Variants in HEMK2 observed in about 807,000 individuals in gnomAD.
The protein encoded by HEMK2 is HemK methyltransferase 2, ETF1 glutamine and histone H4 lysine, also known as methyltransferase HEMK2.
chr21:28,713,312 C>T, the HEMK2 span, among the ~76,000 whole-genome samples: 1 of 152,170 alleles, frequency 6.6e-6, no homozygotes, highest in Non-Finnish European at 1.5e-5. Context: ...AACATTCACC[C>T]TTACTCCGCC....
chr21:28,775,008 T>A, the HEMK2 span, among the ~76,000 whole-genome samples: 7,142 of 152,280 alleles, frequency 0.047, 243 homozygotes, highest in Non-Finnish European at 0.075. Flanking sequence ...AGGACTTTCC[T>A]TCAAAATGGA....
At chr21:28,740,202 A>G in the HEMK2 span, among the ~76,000 whole-genome samples, 1 of 152,230 alleles carries the variant, frequency 6.6e-6, no homozygotes, top group Non-Finnish European at 1.5e-5. Flanking sequence ...AAGCCTATCT[A>G]TATCTTAGCA....
the HEMK2 span, among the ~76,000 whole-genome samples, chr21:28,671,595 G>A: frequency 6.6e-5 from 10 of 152,188 alleles, no homozygotes; most frequent in African/African-American, 2.4e-4. Flanking sequence ...GATTACTGCA[G>A]TGTGGTAGGA....
the HEMK2 span, among the ~76,000 whole-genome samples, chr21:28,842,884 A>T: frequency 2.0e-5 from 3 of 152,104 alleles, no homozygotes; most frequent in Non-Finnish European, 4.4e-5. Context: ...TTGGAGATGG[A>T]TATGTAAAAA....
the HEMK2 span, among the ~76,000 whole-genome samples, chr21:28,708,895 C>G: frequency 1.3e-5 from 2 of 152,186 alleles, no homozygotes; most frequent in Non-Finnish European, 2.9e-5. Context: ...TAAATGAAGA[C>G]TGTCTTAGTT....
At chr21:28,623,478 T>G in the HEMK2 span, among the ~76,000 whole-genome samples, 1 of 152,204 alleles carries the variant, frequency 6.6e-6, no homozygotes, top group Admixed American at 6.5e-5. Context: ...GCAATCCCAT[T>G]ACTGGGTGTA....
chr21:28,707,821 G>C, the HEMK2 span, among the ~76,000 whole-genome samples: 1 of 151,450 alleles, frequency 6.6e-6, no homozygotes, highest in African/African-American at 2.4e-5. Flanking sequence ...AAAAACAAAG[G>C]GTATATGTAT....
the HEMK2 span, among the ~76,000 whole-genome samples, chr21:28,630,179 T>A: frequency 7.8e-6 from 1 of 127,440 alleles, no homozygotes; most frequent in African/African-American, 2.5e-5. Context: ...TCATTAACTT[T>A]CTTTTTTTTC....
At chr21:28,799,417 T>C in the HEMK2 span, among the ~76,000 whole-genome samples, 1 of 152,194 alleles carries the variant, frequency 6.6e-6, no homozygotes, top group East Asian at 1.9e-4. Flanking sequence ...TCCCACAACA[T>C]GTAGGAATTG....
At chr21:28,603,682 C>T in the HEMK2 span, among the ~76,000 whole-genome samples, 1 of 151,718 alleles carries the variant, frequency 6.6e-6, no homozygotes, top group Non-Finnish European at 1.5e-5. Context: ...TATATGACTA[C>T]AACCCCAAGA....
chr21:28,642,236 A>T, the HEMK2 span, among the ~76,000 whole-genome samples: 1 of 152,158 alleles, frequency 6.6e-6, no homozygotes, highest in Non-Finnish European at 1.5e-5. Context: ...TTCCCCCAAA[A>T]TTGAAAAGCT....
chr21:28,830,876 T>TAA, the HEMK2 span, among the ~76,000 whole-genome samples: 2 of 35,342 alleles, frequency 5.7e-5, no homozygotes, highest in Non-Finnish European at 6.1e-5. Flanking sequence ...GACTCCATCT[T>TAA]TAAAAAAAAA....
chr21:28,702,536 C>G, the HEMK2 span, among the ~76,000 whole-genome samples: 5 of 152,102 alleles, frequency 3.3e-5, no homozygotes. Flanking sequence ...GACACACACG[C>G]AGCCAACAAG....
chr21:28,656,492 A>G, the HEMK2 span, among the ~76,000 whole-genome samples: 1 of 151,926 alleles, frequency 6.6e-6, no homozygotes, highest in East Asian at 1.9e-4. Flanking sequence ...TACAGTCCTC[A>G]GCCTTAGACA....
the HEMK2 span, among the ~76,000 whole-genome samples, chr21:28,660,851 T>C: frequency 1.3e-5 from 2 of 152,104 alleles, no homozygotes; most frequent in East Asian, 3.8e-4. Context: ...CAGAACTCAA[T>C]AGTGAAGCTA....
chr21:28,816,180 C>A, the HEMK2 span, among the ~76,000 whole-genome samples: 12 of 152,164 alleles, frequency 7.9e-5, no homozygotes, highest in African/African-American at 2.9e-4. Context: ...AAATAAATTT[C>A]TGTTATTTCA....
At chr21:28,821,381 A>G in the HEMK2 span, among the ~76,000 whole-genome samples, 1 of 152,214 alleles carries the variant, frequency 6.6e-6, no homozygotes, top group Admixed American at 6.5e-5. Context: ...AAAAGTGGAG[A>G]TAATAGCAAA....
the HEMK2 span, among the ~76,000 whole-genome samples, chr21:28,659,992 T>TAA: frequency 6.6e-6 from 1 of 152,064 alleles, no homozygotes; most frequent in South Asian, 2.1e-4. Flanking sequence ...TTTTTCTCAA[T>TAA]AATGTGTTGT....
chr21:28,623,937 C>G, the HEMK2 span, among the ~76,000 whole-genome samples: 2 of 152,210 alleles, frequency 1.3e-5, no homozygotes, highest in African/African-American at 4.8e-5. Flanking sequence ...ACCTATGTAA[C>G]AAACCTGCAC....
Sources: allele counts gnomAD v4.1 joint callset (sites outside exome capture counted in the v4.1 genomes callset), GRCh38; gene constraint gnomAD v4.1.1; transcripts MANE v1.5; gene names NCBI Gene and HGNC (gene_info 2026-07-23, HGNC 2026-07-21).